GLTP: variants seen among roughly 807,000 people sequenced by gnomAD.
GLTP encodes the protein glycolipid transfer protein.
In GLTP, 22 loss-of-function variants were observed where a neutral mutation model predicts 24.0. The ratio of observed to expected loss-of-function variants is 0.92; its 90% confidence interval spans 0.65 to 1.31. GLTP has a LOEUF of 1.31. Ranked by LOEUF, GLTP falls within the 50% of genes most tolerant of loss-of-function variation. GLTP has a pLI of 0.00. For synonymous variants in GLTP, 92 were observed against 115.9 expected, an observed-to-expected ratio of 0.79 and a Z score of 1.33; for missense variants, 224 against 276.6, an observed-to-expected ratio of 0.81 and a Z score of 1.35.
At position 109,856,708 on chromosome 12, in the gene GLTP, C is replaced by T. The variant is rs1892801094; in HGVS notation, c.296+818G>A. Among the ~76,000 whole-genome samples, 3 of 152,294 alleles carry T rather than the reference C, an allele frequency of 2.0e-5. No homozygotes were observed. In the South Asian group the frequency reaches 6.2e-4, roughly 32 times the overall value. ...GGTTTAAGGGCTGAAGAGTCTGTAG[C>T]TGGTAGAGAACAGCATGAGTTCAAA... On this transcript the variant is annotated intron_variant, in intron 3 of 4. Coordinates refer to ENST00000318348, the MANE Select transcript of GLTP (RefSeq NM_016433.4).
Position 109,852,532 on chromosome 12 carries a change from G to A in GLTP, c.*23C>T. The A allele has an allele frequency of 6.6e-7, 1 of 1,514,460 alleles. No homozygotes were observed. The highest frequency in any genetic ancestry group is 9.1e-7 in the Non-Finnish European group (1 of 1,095,754). 93.8% of individuals were successfully genotyped at this position (1,514,460 alleles called of 1,614,324 possible). On this transcript the variant is annotated 3_prime_UTR_variant, in exon 5 of 5. Transcript: ENST00000318348. ...TTTCTCCATGTGGCCACGAGTCGGG[G>A]ACGTGTCCAGCAGTGGGCATGCCTA...
At chr12:109,879,913 C>T (rs936556742) in intron 1 of GLTP, among the ~76,000 whole-genome samples, 2 of 151,378 alleles carry the variant, frequency 1.3e-5, no homozygotes, top group Non-Finnish European at 2.9e-5. Flanking sequence ...GAAGAAGGGG[C>T]AGGAGGCTTT....
intron 1 of GLTP, among the ~76,000 whole-genome samples, chr12:109,868,385 T>C (rs1053941357): frequency 2.0e-5 from 3 of 152,182 alleles, no homozygotes; most frequent in African/African-American, 7.2e-5. Context: ...CCACAGCATA[T>C]ACCTGGAAGT....
Position 109,855,600 on chromosome 12 carries a change from G to A in GLTP, c.447+19C>T. The A allele has an allele frequency of 1.3e-6, 2 of 1,534,728 alleles. No homozygotes were observed. The highest frequency in any genetic ancestry group is 1.8e-6 in the Non-Finnish European group (2 of 1,137,032). ...ATCTGCAAGCTGGTGGTCCTTTGGG[G>A]CTCATGGGGGTGGCTCACCTGGAAG... On this transcript the variant is annotated intron_variant, in intron 4 of 4. Transcript: ENST00000318348. The surrounding 1 kb of genome is among the most constrained non-coding windows in gnomAD (Gnocchi z 4.1).
Position 109,880,459 on chromosome 12 carries a change from G to C in GLTP, c.-85C>G. On this transcript the variant is annotated 5_prime_UTR_variant, in exon 1 of 5. Coordinates refer to ENST00000318348, the MANE Select transcript of GLTP (RefSeq NM_016433.4). This position sits in a 1 kb window ranked among gnomAD's most constrained non-coding sequence, Gnocchi z 5.1. ...CCCGGCCGCCGCCGTCAGCGCCGGG[G>C]CCGTCACAGCCGCCCGCCGCAGGCT... is the stretch of plus-strand genomic sequence containing the variant. The C allele has an allele frequency of 2.5e-6, 1 of 392,298 alleles. No homozygotes were observed. The highest frequency in any genetic ancestry group is 4.0e-6 in the Non-Finnish European group (1 of 251,852). 24.3% of individuals were successfully genotyped at this position (392,298 alleles called of 1,614,324 possible).
chr12:109,873,401 G>A (rs556214518), intron 1 of GLTP, among the ~76,000 whole-genome samples: 1 of 152,238 alleles, frequency 6.6e-6, no homozygotes, highest in African/African-American at 2.4e-5. Context: ...TTGGGAGGCT[G>A]ACGTGGGTGG....
In GLTP at chr12:109,857,671, C is replaced by T. The variant is rs1892817424; in HGVS notation, c.163-12G>A. ...ACAGCTTTGATTTTCTGAAATGGAG[C>T]ACACAAGATTTCCCCTTGGGTAAGC... On this transcript the variant is annotated splice_polypyrimidine_tract_variant and intron_variant, in intron 2 of 4. Transcript: ENST00000318348. This position sits in a 1 kb window ranked among gnomAD's most constrained non-coding sequence, Gnocchi z 4.3. The T allele has an allele frequency of 6.2e-7, 1 of 1,614,112 alleles. No homozygotes were observed. The highest frequency in any genetic ancestry group is 8.5e-7 in the Non-Finnish European group (1 of 1,179,978).
At position 109,857,959 on chromosome 12, in the gene GLTP, A is replaced by C; in HGVS notation, c.163-300T>G. On this transcript the variant is annotated intron_variant, in intron 2 of 4. Transcript: ENST00000318348. The surrounding 1 kb of genome is among the most constrained non-coding windows in gnomAD (Gnocchi z 4.3). ...AGCACGGACTTGCCCAAGGTCACACAGTTGGTACAGAGTTCATGTTCTCCA... is the reference window on the plus strand; with the variant it reads ...AGCACGGACTTGCCCAAGGTCACACCGTTGGTACAGAGTTCATGTTCTCCA... The C allele has an allele frequency of 2.2e-6, 1 of 447,706 alleles. No homozygotes were observed. 27.7% of individuals were successfully genotyped at this position (447,706 alleles called of 1,614,324 possible). A position where few individuals can be genotyped will look rare whatever the true frequency, so the allele number is the denominator to read the frequency against.
chr12:109,857,404 C>G lies in GLTP; in HGVS notation c.296+122G>C. ...AGGCCTTTTCCCAGCCATTAACTAG[C>G]ATCACACTGGAAGGGCTCGGAAGTG... On this transcript the variant is annotated intron_variant, in intron 3 of 4. Transcript: ENST00000318348. This position sits in a 1 kb window ranked among gnomAD's most constrained non-coding sequence, Gnocchi z 4.3. The G allele has an allele frequency of 9.2e-7, 1 of 1,088,886 alleles. No homozygotes were observed. The highest frequency in any genetic ancestry group is 1.3e-6 in the Non-Finnish European group (1 of 748,348). 67.5% of individuals were successfully genotyped at this position (1,088,886 alleles called of 1,614,324 possible). A position where few individuals can be genotyped will look rare whatever the true frequency, so the allele number is the denominator to read the frequency against.
chr12:109,864,499 G>A (rs189936066), intron 1 of GLTP, among the ~76,000 whole-genome samples: 5 of 152,286 alleles, frequency 3.3e-5, no homozygotes, highest in Admixed American at 3.3e-4. Context: ...ATGCAAACAG[G>A]AAGTGCTCTG....
chr12:109,876,668 G>A (rs1313064283), intron 1 of GLTP, among the ~76,000 whole-genome samples: 1 of 142,794 alleles, frequency 7.0e-6, no homozygotes, highest in Non-Finnish European at 1.5e-5. Flanking sequence ...AAAGAAAGAG[G>A]AAGGAAGGAA....
In GLTP at chr12:109,859,881, G is replaced by A. The variant is rs1267186963; in HGVS notation, c.104-1140C>T. On this transcript the variant is annotated intron_variant, in intron 1 of 4. Transcript: ENST00000318348. ...TCAAGAGAAAGTCCTTTTAAGAAGTGTGCAAATCTCGTATATTTATTAGAT... is the reference window on the plus strand; with the variant it reads ...TCAAGAGAAAGTCCTTTTAAGAAGTATGCAAATCTCGTATATTTATTAGAT... 8 of 152,410 alleles carry A rather than the reference G, an allele frequency of 5.2e-5. No individual in the cohort carries two copies. The East Asian group carries it at 1.3e-3, about 26-fold the overall frequency. The allele number at this position is 152,410 out of a possible 1,614,324, so 9.4% of individuals were successfully genotyped here. A position where few individuals can be genotyped will look rare whatever the true frequency, so the allele number is the denominator to read the frequency against.
chr12:109,866,635 A>G (rs1354097362), intron 1 of GLTP: 2 of 152,242 alleles, frequency 1.3e-5, no homozygotes, highest in Non-Finnish European at 2.9e-5. Flanking sequence ...CAGGGCCATC[A>G]TCAAAAATAC....
chr12:109,857,794 G>C lies in GLTP; in HGVS notation c.163-135C>G, dbSNP rs1186553924. On this transcript the variant is annotated intron_variant, in intron 2 of 4. Transcript: ENST00000318348. This position sits in a 1 kb window ranked among gnomAD's most constrained non-coding sequence, Gnocchi z 4.3. Reference sequence around the variant, plus strand: ...TCCAGGAACAGCAGGGATAAGACTTGTAACAATAACTATGACTGTTCACAT... The same window carrying C: ...TCCAGGAACAGCAGGGATAAGACTTCTAACAATAACTATGACTGTTCACAT... The C allele has an allele frequency of 7.0e-6, 6 of 863,158 alleles. No individual in the cohort carries two copies. The African/African-American group carries it at 9.9e-5, about 14-fold the overall frequency. The allele number at this position is 863,158 out of a possible 1,614,324, so 53.5% of individuals were successfully genotyped here.
chr12:109,864,418 G>T (rs1231725221), intron 1 of GLTP, among the ~76,000 whole-genome samples: 2 of 152,200 alleles, frequency 1.3e-5, no homozygotes, highest in Non-Finnish European at 2.9e-5. Flanking sequence ...TCTCAGCTCT[G>T]GTGTGAGTTT....
At chr12:109,875,175 G>A (rs966032502) in intron 1 of GLTP, among the ~76,000 whole-genome samples, 2 of 152,162 alleles carry the variant, frequency 1.3e-5, no homozygotes, top group African/African-American at 2.4e-5. Context: ...TACTAGCACC[G>A]AGTGTTACAC....
intron 1 of GLTP, among the ~76,000 whole-genome samples, chr12:109,870,734 T>C (rs1565900176): frequency 6.6e-6 from 1 of 152,140 alleles, no homozygotes; most frequent in Non-Finnish European, 1.5e-5. Flanking sequence ...AAATAATGAC[T>C]TCAAATGTAT....
intron 1 of GLTP, among the ~76,000 whole-genome samples, chr12:109,875,641 G>C (rs1055946211): frequency 2.0e-5 from 3 of 152,324 alleles, no homozygotes; most frequent in African/African-American, 7.2e-5. Context: ...ACTGGGTCAA[G>C]GTAGAGAGAG....
intron 1 of GLTP, among the ~76,000 whole-genome samples, chr12:109,870,419 G>A (rs886911014): frequency 2.6e-5 from 4 of 151,926 alleles, no homozygotes; most frequent in African/African-American, 7.3e-5. Context: ...GCAGTGAGCC[G>A]AGATCATGCC....
Sources: allele counts gnomAD v4.1 joint callset (sites outside exome capture counted in the v4.1 genomes callset), GRCh38; gene constraint gnomAD v4.1.1; non-coding constraint Gnocchi (gnomAD v3.1); transcripts MANE v1.5; gene names NCBI Gene and HGNC (gene_info 2026-07-23, HGNC 2026-07-21).